Variants in PNMA3 observed in about 807,000 individuals in gnomAD.
PNMA3 encodes the protein PNMA family member 3.
In PNMA3, 10 loss-of-function variants were observed where a neutral mutation model predicts 25.1. That is an observed-to-expected ratio of 0.40 (90% CI 0.25 to 0.68). The LOEUF (loss-of-function observed/expected upper bound fraction) is 0.68, where lower values mean the gene tolerates loss of function less well. Ranked by LOEUF, PNMA3 falls within the 30% of genes least tolerant of loss-of-function variation. PNMA3 has a pLI of 0.40. For missense variants in PNMA3, 317 were observed against 372.1 expected, an observed-to-expected ratio of 0.85 and a Z score of 1.22; for synonymous variants, 134 against 148.7, an observed-to-expected ratio of 0.90 and a Z score of 0.72.
At position 153,057,090 on chromosome X, in the gene PNMA3, G is replaced by A; in HGVS notation, c.35G>A (p.Gly12Glu). 3 of 1,211,356 alleles carry A rather than the reference G, an allele frequency of 2.5e-6. No individual in the cohort carries two copies. The South Asian group carries it at 5.3e-5, about 21-fold the overall frequency. ...PLTLLQDWCR[G>E]EHLNTRRCML... The stretch of plus-strand genomic sequence containing the variant: ...ACCTTGTTACAGGACTGGTGTCGGG[G>A]GGAACACCTGAACACCCGGAGGTGC... The change falls in exon 2 of 2, where the codon GGG becomes GAG. Residue 12 changes from glycine (G) to glutamate (E), a missense_variant. Gly to Glu is a moderately conservative substitution (Grantham distance 98, BLOSUM62 -2). Coordinates refer to ENST00000593810, the MANE Select transcript of PNMA3 (RefSeq NM_013364.6).
At position 153,057,262 on chromosome X, in the gene PNMA3, G is replaced by T; in HGVS notation, c.207G>T (p.Leu69=). The change falls in exon 2 of 2, where the codon CTG becomes CTT. Residue 69 remains leucine, a synonymous_variant. Coordinates refer to ENST00000593810, the MANE Select transcript of PNMA3 (RefSeq NM_013364.6). Reference sequence around the variant, plus strand: ...ACGCCCAGGCGATTCTACTGGAGCTGGCACAAGATATCGACTATGCTTTGC... The same window carrying T: ...ACGCCCAGGCGATTCTACTGGAGCTTGCACAAGATATCGACTATGCTTTGC... The part of the protein sequence containing the change: ...EENAQAILLE[L]AQDIDYALLP... 2 of 1,211,861 alleles carry T rather than the reference G, an allele frequency of 1.7e-6. No homozygotes were observed. Among genetic ancestry groups the T allele is most frequent in the Non-Finnish European group, 2.2e-6 (2 of 895,504 alleles).
In PNMA3 at chrX:153,057,228, GGGA is replaced by G. The variant is rs782820710; in HGVS notation, c.178_180del (p.Glu60del). The G allele has an allele frequency of 8.3e-7, 1 of 1,212,048 alleles. No individual in the cohort carries two copies. Among genetic ancestry groups the G allele is most frequent in the Non-Finnish European group, 1.1e-6 (1 of 895,569 alleles). ...AGGGTGATTGGCAGGATGTTTAGGA[GGGA>G]GGAGAACGCCCAGGCGATTCTACTG... On this transcript the variant is annotated inframe_deletion, in exon 2 of 2. Transcript: ENST00000593810.
Position 153,056,575 on chromosome X carries a change from C to T in PNMA3, c.-170C>T. On this transcript the variant is annotated 5_prime_UTR_variant, in exon 1 of 2. Transcript: ENST00000593810. ...CCCCGTCCGCCGCCGCCGCCGCCGC[C>T]GCGCATAGCCCCCGGAGAGCCCTCT... is the stretch of plus-strand genomic sequence containing the variant. 7.9e-6 allele frequency: 1 copy of T among 126,299 alleles called. No individual in the cohort carries two copies. The allele number at this position is 126,299 out of a possible 1,213,427, so 10.4% of individuals were successfully genotyped here. A position where few individuals can be genotyped will look rare whatever the true frequency, so the allele number is the denominator to read the frequency against.
rs782243674 is a variant in PNMA3, at chrX:153,058,228, A to G, written c.1173A>G (p.Gln391=). ...ACCGGCGCCGGAGGGGCAGAGGCCAACACCGAAGGGGTGGTGTGGCAAGGG... is the reference window on the plus strand; with the variant it reads ...ACCGGCGCCGGAGGGGCAGAGGCCAGCACCGAAGGGGTGGTGTGGCAAGGG... ...QGYRRRRGRG[Q]HRRGGVARAG... Residue 391 remains glutamine, a synonymous_variant, in exon 2 of 2, where the codon CAA becomes CAG. Transcript: ENST00000593810. The G allele has an allele frequency of 1.2e-5, 15 of 1,212,336 alleles. No homozygotes were observed. In the East Asian group the frequency reaches 4.4e-4, roughly 36 times the overall value.
Position 153,058,299 on chromosome X carries a change from A to G in PNMA3, c.1244A>G (p.Tyr415Cys), listed in dbSNP as rs1556932454. The G allele has an allele frequency of 2.5e-6, 3 of 1,212,061 alleles. No individual in the cohort carries two copies. The highest frequency in any genetic ancestry group is 1.7e-5 in the African/African-American group (1 of 57,917). Reference protein sequence around the residue: ...SRKRKRHTFCYSCGEDGHIRV... With the variant: ...SRKRKRHTFCCSCGEDGHIRV... ...AAACGGAAACGCCACACATTCTGCT[A>G]TAGCTGTGGGGAAGACGGCCACATC... The change falls in exon 2 of 2, where the codon TAT becomes TGT. Residue 415 changes from tyrosine (Y) to cysteine (C), a missense_variant. Tyr to Cys is a radical substitution (Grantham distance 194). Coordinates refer to ENST00000593810, the MANE Select transcript of PNMA3 (RefSeq NM_013364.6).
rs782790897 is a variant in PNMA3, at chrX:153,057,070, G to A, written c.15G>A (p.Leu5=). 11 of 1,210,150 alleles carry A rather than the reference G, an allele frequency of 9.1e-6. No individual in the cohort carries two copies. The highest frequency in any genetic ancestry group is 1.2e-5 in the Non-Finnish European group (11 of 894,685). ...GATTCGAGGACATGCCGTTGACCTT[G>A]TTACAGGACTGGTGTCGGGGGGAAC... MPLT[L]LQDWCRGEHL... The change falls in exon 2 of 2, where the codon TTG becomes TTA. Residue 5 remains leucine (L), a synonymous_variant. Coordinates refer to ENST00000593810, the MANE Select transcript of PNMA3 (RefSeq NM_013364.6).
At position 153,058,154 on chromosome X, in the gene PNMA3, C is replaced by A; in HGVS notation, c.1099C>A (p.Pro367Thr). The change falls in exon 2 of 2, where the codon CCT becomes ACT. Residue 367 changes from proline to threonine, a missense_variant. Pro to Thr is a conservative substitution (Grantham distance 38). Transcript: ENST00000593810. ...PARITGVGAV[P>T]LPASGNSFDA... ...CAGGATCACTGGGGTTGGGGCAGTACCTCTCCCTGCCTCTGGCAACAGTTT... is the reference window on the plus strand; with the variant it reads ...CAGGATCACTGGGGTTGGGGCAGTAACTCTCCCTGCCTCTGGCAACAGTTT... 8.3e-7 allele frequency: 1 copy of A among 1,211,601 alleles called. No homozygotes were observed. The highest frequency in any genetic ancestry group is 1.1e-6 in the Non-Finnish European group (1 of 895,409).
chrX:153,058,606 G>A lies in PNMA3; in HGVS notation c.*159G>A, dbSNP rs943607088. On this transcript the variant is annotated 3_prime_UTR_variant, in exon 2 of 2. Coordinates refer to ENST00000593810, the MANE Select transcript of PNMA3 (RefSeq NM_013364.6). ...GGCCAAGCCTTCTCACCCTTGGCCA[G>A]CTGGAAGGGACTTCAGCAACCAAGA... 4.3e-6 allele frequency: 5 copies of A among 1,171,723 alleles called. No individual in the cohort carries two copies. Among genetic ancestry groups the A allele is most frequent in the Non-Finnish European group, 5.7e-6 (5 of 875,179 alleles).
chrX:153,056,598 T>G lies in PNMA3; in HGVS notation c.-147T>G, dbSNP rs185487943. 0.014 allele frequency: 1,699 copies of G among 121,842 alleles called. 25 individuals carry two copies. The highest frequency in any genetic ancestry group is 0.073 in the Admixed American group (802 of 10,959). 10.0% of individuals were successfully genotyped at this position (121,842 alleles called of 1,213,427 possible). A position where few individuals can be genotyped will look rare whatever the true frequency, so the allele number is the denominator to read the frequency against. On this transcript the variant is annotated 5_prime_UTR_variant, in exon 1 of 2. Coordinates refer to ENST00000593810, the MANE Select transcript of PNMA3 (RefSeq NM_013364.6). Reference sequence around the variant, plus strand: ...GCCGCGCATAGCCCCCGGAGAGCCCTCTGGGGACCCCGACCAGAAGGGACC... The same window carrying G: ...GCCGCGCATAGCCCCCGGAGAGCCCGCTGGGGACCCCGACCAGAAGGGACC...
rs377280936 is a variant in PNMA3, at chrX:153,057,163, G to T, written c.108G>T (p.Glu36Asp). 1 of 1,212,137 alleles carries T rather than the reference G, an allele frequency of 8.2e-7. No homozygotes were observed. The highest frequency in any genetic ancestry group is 1.1e-6 in the Non-Finnish European group (1 of 895,577). ...IPEDCGEDEF[E>D]ETLQEACRHL... The stretch of plus-strand genomic sequence containing the variant: ...AGGACTGTGGCGAGGATGAGTTTGA[G>T]GAGACACTCCAGGAGGCTTGCAGGC... Residue 36 changes from glutamate to aspartate, a missense_variant, in exon 2 of 2, where the codon GAG becomes GAT. Coordinates refer to ENST00000593810, the MANE Select transcript of PNMA3 (RefSeq NM_013364.6).
In PNMA3 at chrX:153,058,232, C is replaced by G. The variant is rs782671536; in HGVS notation, c.1177C>G (p.Arg393Gly). ...YRRRRGRGQHRRGGVARAGSR... is the reference protein window; with the variant it reads ...YRRRRGRGQHGRGGVARAGSR... ...GCGCCGGAGGGGCAGAGGCCAACAC[C>G]GAAGGGGTGGTGTGGCAAGGGCTGG... The change falls in exon 2 of 2, where the codon CGA becomes GGA. Residue 393 changes from arginine to glycine, a missense_variant. Physicochemically the swap from Arg to Gly is moderately radical, Grantham distance 125 (BLOSUM62 -2). Transcript: ENST00000593810. 1 of 1,212,055 alleles carries G rather than the reference C, an allele frequency of 8.3e-7. No homozygotes were observed. The highest frequency in any genetic ancestry group is 1.1e-6 in the Non-Finnish European group (1 of 895,518).
Position 153,058,666 on chromosome X carries a change from A to G in PNMA3, c.*219A>G. Reference sequence around the variant, plus strand: ...AACAGGCTCAGTGGGGGTCAGGTCCAGGTCCCCGAAGAGGTGCTGGAGAGG... The same window carrying G: ...AACAGGCTCAGTGGGGGTCAGGTCCGGGTCCCCGAAGAGGTGCTGGAGAGG... On this transcript the variant is annotated 3_prime_UTR_variant, in exon 2 of 2. Transcript: ENST00000593810. The G allele has an allele frequency of 9.3e-7, 1 of 1,074,595 alleles. No individual in the cohort carries two copies. The highest frequency in any genetic ancestry group is 1.3e-6 in the Non-Finnish European group (1 of 799,445). 88.6% of individuals were successfully genotyped at this position (1,074,595 alleles called of 1,213,427 possible).
Position 153,056,582 on chromosome X carries a change from A to C in PNMA3, c.-163A>C. ...CGCCGCCGCCGCCGCCGCCGCGCAT[A>C]GCCCCCGGAGAGCCCTCTGGGGACC... On this transcript the variant is annotated 5_prime_UTR_variant, in exon 1 of 2. Transcript: ENST00000593810. 8.1e-6 allele frequency: 1 copy of C among 123,900 alleles called. No individual in the cohort carries two copies. 10.2% of individuals were successfully genotyped at this position (123,900 alleles called of 1,213,427 possible). A position where few individuals can be genotyped will look rare whatever the true frequency, so the allele number is the denominator to read the frequency against.
In PNMA3 at chrX:153,058,049, G is replaced by A; in HGVS notation, c.994G>A (p.Glu332Lys). The change falls in exon 2 of 2, where the codon GAG becomes AAG. Residue 332 changes from glutamate to lysine, a missense_variant. Coordinates refer to ENST00000593810, the MANE Select transcript of PNMA3 (RefSeq NM_013364.6). Reference sequence around the variant, plus strand: ...CCTGGCCCTGGTGAAGCTCCTGCGTGAGGAGGAGGAATGGGAGGCCACTTT... The same window carrying A: ...CCTGGCCCTGGTGAAGCTCCTGCGTAAGGAGGAGGAATGGGAGGCCACTTT... Reference protein sequence around the residue: ...GFLALVKLLREEEEWEATLGP... With the variant: ...GFLALVKLLRKEEEWEATLGP... 4 of 1,212,235 alleles carry A rather than the reference G, an allele frequency of 3.3e-6. No homozygotes were observed. Among genetic ancestry groups the A allele is most frequent in the Non-Finnish European group, 4.5e-6 (4 of 895,614 alleles).
chrX:153,059,503 G>A lies in PNMA3; in HGVS notation c.*1056G>A, dbSNP rs1290420404. On this transcript the variant is annotated 3_prime_UTR_variant, in exon 2 of 2. Transcript: ENST00000593810. Reference sequence around the variant, plus strand: ...CCCAGCCCTGAGCTGGGAGATGACAGGGGGAAAGAGGCCCTCTCAAGGGTG... The same window carrying A: ...CCCAGCCCTGAGCTGGGAGATGACAAGGGGAAAGAGGCCCTCTCAAGGGTG... 1.6e-5 allele frequency: 2 copies of A among 123,291 alleles called. No homozygotes were observed. Among genetic ancestry groups the A allele is most frequent in the African/African-American group, 3.2e-5 (1 of 30,778 alleles). The allele number at this position is 123,291 out of a possible 1,213,427, so 10.2% of individuals were successfully genotyped here.
chrX:153,058,380 C>G lies in PNMA3; in HGVS notation c.1325C>G (p.Ala442Gly), dbSNP rs2051159065. 3 of 1,210,707 alleles carry G rather than the reference C, an allele frequency of 2.5e-6. No individual in the cohort carries two copies. Among genetic ancestry groups the G allele is most frequent in the Non-Finnish European group, 3.4e-6 (3 of 895,300 alleles). The change falls in exon 2 of 2, where the codon GCT becomes GGT. Residue 442 changes from alanine to glycine, a missense_variant. Ala to Gly is a moderately conservative substitution (Grantham distance 60). Transcript: ENST00000593810. ...NLLLVKQKKQ[A>G]AVESGNGNWA... is the part of the protein sequence containing the mutation. ...CTCTTGGTAAAGCAGAAGAAACAGG[C>G]TGCAGTTGAGTCGGGAAACGGGAAC...
rs782056604 is a variant in PNMA3 at position 153,058,393 on chromosome X, G to A, written c.1338G>A (p.Ser446=). The change falls in exon 2 of 2, where the codon TCG becomes TCA. Residue 446 remains serine, a synonymous_variant. Coordinates refer to ENST00000593810, the MANE Select transcript of PNMA3 (RefSeq NM_013364.6). ...AGAAGAAACAGGCTGCAGTTGAGTC[G>A]GGAAACGGGAACTGGGCTTGGGACA... ...VKQKKQAAVE[S]GNGNWAWDKS... The A allele has an allele frequency of 1.1e-5, 13 of 1,211,995 alleles. No homozygotes were observed. Among genetic ancestry groups the A allele is most frequent in the Admixed American group, 2.2e-5 (1 of 46,122 alleles).
At position 153,057,509 on chromosome X, in the gene PNMA3, G is replaced by A. The variant is rs782602965; in HGVS notation, c.454G>A (p.Val152Met). The A allele has an allele frequency of 2.7e-5, 33 of 1,210,401 alleles. No homozygotes were observed. Among genetic ancestry groups the A allele is most frequent in the African/African-American group, 3.5e-5 (2 of 57,314 alleles). Reference protein sequence around the residue: ...WTWAQTLGAAVQPLLEQMLYR... With the variant: ...WTWAQTLGAAMQPLLEQMLYR... ...CTGGGCCCAGACTCTGGGGGCAGCA[G>A]TGCAGCCTCTGCTAGAACAAATGTT... The change falls in exon 2 of 2, where the codon GTG becomes ATG. Residue 152 changes from valine to methionine, a missense_variant. Val to Met is a conservative substitution (Grantham distance 21). Coordinates refer to ENST00000593810, the MANE Select transcript of PNMA3 (RefSeq NM_013364.6).
At position 153,057,036 on chromosome X, in the gene PNMA3, A is replaced by G. The variant is rs368216116; in HGVS notation, c.-20A>G. 415 of 1,198,836 alleles carry G rather than the reference A, an allele frequency of 3.5e-4. No homozygotes were observed. Among genetic ancestry groups the G allele is most frequent in the Non-Finnish European group, 4.6e-4 (405 of 889,671 alleles). On this transcript the variant is annotated 5_prime_UTR_variant, in exon 2 of 2. Transcript: ENST00000593810. Reference sequence around the variant, plus strand: ...CCCTGATCACTCCCCCCAAATTAGTATCCGCAGAGATTCGAGGACATGCCG... The same window carrying G: ...CCCTGATCACTCCCCCCAAATTAGTGTCCGCAGAGATTCGAGGACATGCCG...
Sources: allele counts gnomAD v4.1 joint callset, GRCh38; gene constraint gnomAD v4.1.1; transcripts MANE v1.5; gene names NCBI Gene and HGNC (gene_info 2026-07-23, HGNC 2026-07-21).